ASIC2: variants seen among roughly 807,000 people sequenced by gnomAD.
ASIC2 encodes acid-sensing ion channel 2.
A neutral mutation model predicts 57.3 loss-of-function variants in ASIC2; 25 were observed. The ratio of observed to expected loss-of-function variants is 0.44; its 90% CI spans 0.32 to 0.61. ASIC2 has a LOEUF of 0.61. Ranked by LOEUF, ASIC2 falls within the 20% of genes least tolerant of loss-of-function variation. The pLI, the probability that ASIC2 is intolerant of heterozygous loss-of-function variation, is 0.06. For synonymous variants in ASIC2, 319 were observed against 307.5 expected (o/e 1.04, Z -0.39); for missense variants, 641 against 738.1 (o/e 0.87, Z 1.52).
intron 1 of ASIC2, among the ~76,000 whole-genome samples, chr17:33,391,330 A>G (rs1028307896): frequency 1.3e-5 from 2 of 152,208 alleles, no homozygotes; most frequent in African/African-American, 4.8e-5. Context: ...CAACTTGATC[A>G]GCATTGGTCA....
intron 8 of ASIC2, among the ~76,000 whole-genome samples, chr17:33,016,727 C>G (rs1170141021): frequency 6.6e-6 from 1 of 152,030 alleles, no homozygotes; most frequent in Admixed American, 6.5e-5. Context: ...CAGCCCCCTC[C>G]GAGAGACAGA....
At chr17:33,145,786 G>C (rs1313922190) in intron 1 of ASIC2, among the ~76,000 whole-genome samples, 1 of 152,048 alleles carries the variant, frequency 6.6e-6, no homozygotes, top group African/African-American at 2.4e-5. Context: ...TACTCCTTTC[G>C]CCCCATGACC....
intron 1 of ASIC2, among the ~76,000 whole-genome samples, chr17:33,302,101 C>T (rs149020559): frequency 2.2e-3 from 331 of 152,330 alleles, no homozygotes; most frequent in Middle Eastern, 0.014. Context: ...CCCTCAGCAT[C>T]CCTTGCCTAT....
At chr17:34,110,615 T>C (rs1911235632) in intron 1 of ASIC2, among the ~76,000 whole-genome samples, 1 of 152,192 alleles carries the variant, frequency 6.6e-6, no homozygotes, top group African/African-American at 2.4e-5. Flanking sequence ...GAGAGGATCT[T>C]GTTAAGCCTT....
intron 1 of ASIC2, among the ~76,000 whole-genome samples, chr17:34,052,592 G>A (rs1419242742): frequency 6.6e-6 from 1 of 150,984 alleles, no homozygotes; most frequent in Non-Finnish European, 1.5e-5. Flanking sequence ...CTCATCCCTA[G>A]TAAATAACCC....
chr17:33,181,875 G>C (rs1318532828), intron 1 of ASIC2, among the ~76,000 whole-genome samples: 1 of 152,210 alleles, frequency 6.6e-6, no homozygotes, highest in Non-Finnish European at 1.5e-5. Flanking sequence ...CGAAGGGCAA[G>C]GAGGTCAGTG....
intron 1 of ASIC2, among the ~76,000 whole-genome samples, chr17:33,717,080 T>C (rs1398111164): frequency 3.3e-5 from 5 of 152,230 alleles, no homozygotes; most frequent in Non-Finnish European, 5.9e-5. Flanking sequence ...TTCCCTGGAA[T>C]CATTTGGACA....
intron 1 of ASIC2, among the ~76,000 whole-genome samples, chr17:33,887,802 G>C (rs1914863511): frequency 6.6e-6 from 1 of 152,172 alleles, no homozygotes; most frequent in African/African-American, 2.4e-5. Flanking sequence ...AGATTTTTTA[G>C]TGTAGCCTTT....
intron 1 of ASIC2, among the ~76,000 whole-genome samples, chr17:33,400,829 C>T (rs1597714981): frequency 6.6e-6 from 1 of 152,172 alleles, no homozygotes; most frequent in African/African-American, 2.4e-5. Flanking sequence ...CCTGCCACCC[C>T]TGCCAGCCTC....
chr17:33,774,805 C>T (rs1018842360), intron 1 of ASIC2, among the ~76,000 whole-genome samples: 1 of 152,170 alleles, frequency 6.6e-6, no homozygotes, highest in African/African-American at 2.4e-5. Flanking sequence ...CATGTACCAT[C>T]CCTAGACTGA....
intron 1 of ASIC2, among the ~76,000 whole-genome samples, chr17:33,348,384 C>G (rs1908034852): frequency 6.6e-6 from 1 of 151,986 alleles, no homozygotes; most frequent in African/African-American, 2.4e-5. Context: ...CAAATGGGAG[C>G]AAGAAGCAGA....
At chr17:34,142,630 C>T (rs1309503331) in intron 1 of ASIC2, among the ~76,000 whole-genome samples, 4 of 152,226 alleles carry the variant, frequency 2.6e-5, no homozygotes, top group African/African-American at 9.6e-5. Flanking sequence ...AGCTCTTATT[C>T]ACTGCCATTT....
intron 1 of ASIC2, among the ~76,000 whole-genome samples, chr17:34,033,507 C>G (rs918787218): frequency 2.6e-5 from 4 of 152,092 alleles, no homozygotes; most frequent in Non-Finnish European, 5.9e-5. Context: ...CAAAAAATAA[C>G]TAAGATCAGA....
At chr17:33,374,544 T>C (rs9902051) in intron 1 of ASIC2, among the ~76,000 whole-genome samples, 70,587 of 152,016 alleles carry the variant, frequency 0.46, 16,784 homozygotes, top group East Asian at 0.79. Context: ...ATTTGAGTAA[T>C]AACTCCCTGT....
intron 1 of ASIC2, among the ~76,000 whole-genome samples, chr17:33,250,818 G>A (rs1037716047): frequency 1.3e-5 from 2 of 152,100 alleles, no homozygotes; most frequent in Admixed American, 1.3e-4. Flanking sequence ...CAACTCTAAG[G>A]AACAGGCTTA....
chr17:34,012,303 T>A (rs75611640), intron 1 of ASIC2, among the ~76,000 whole-genome samples: 2,021 of 152,290 alleles, frequency 0.013, 53 homozygotes, highest in African/African-American at 0.046. Flanking sequence ...TAGCTACCTG[T>A]CTGAAGGATG....
chr17:34,056,448 CAAAG>C (rs1908769772), intron 1 of ASIC2, among the ~76,000 whole-genome samples: 2 of 152,074 alleles, frequency 1.3e-5, no homozygotes, highest in African/African-American at 4.8e-5. Context: ...TGACACTGTG[CAAAG>C]AAAGATTCTG....
intron 1 of ASIC2, among the ~76,000 whole-genome samples, chr17:34,123,969 T>G (rs554093762): frequency 6.6e-6 from 1 of 152,016 alleles, no homozygotes; most frequent in African/African-American, 2.4e-5. Context: ...GTAGTCCCAG[T>G]TACTCGAGAG....
intron 1 of ASIC2, among the ~76,000 whole-genome samples, chr17:33,361,061 C>A (rs560624009): frequency 3.9e-5 from 6 of 152,114 alleles, no homozygotes; most frequent in Non-Finnish European, 5.9e-5. Flanking sequence ...GACCTGGAAC[C>A]CTTGTTGGTC....
Sources: gnomAD v4.1 joint callset for allele counts (sites outside exome capture counted in the v4.1 genomes callset) on GRCh38, gnomAD v4.1.1 for gene constraint, MANE v1.5 for transcripts, NCBI Gene and HGNC (gene_info 2026-07-23, HGNC 2026-07-21) for gene names.